The following SCG2 variants were observed in gnomAD, a reference collection of about 807,000 sequenced individuals.
SCG2 encodes the protein secretogranin II.
SCG2 carries 23 observed loss-of-function variants against 49.5 expected under a neutral mutation model. The observed-to-expected ratio is 0.46, with a 90% CI of 0.33 to 0.66. SCG2 has a LOEUF of 0.66. Among genes scored for constraint, SCG2 ranks in the 30% least tolerant of loss-of-function variants. The pLI is 0.01. For missense variants in SCG2, 730 were observed against 728.2 expected (o/e 1.00, Z -0.03); for synonymous variants, 288 against 260.4 (o/e 1.11, Z -1.02).
In SCG2 at chr2:223,598,919, C is replaced by T. The variant is rs762766861; in HGVS notation, c.364G>A (p.Glu122Lys). The T allele has an allele frequency of 6.8e-6, 11 of 1,614,176 alleles. No individual in the cohort carries two copies. The highest frequency in any genetic ancestry group is 6.6e-5 in the South Asian group (6 of 91,080). ...RIILEALRQAENEPQSAPKEN... is the reference protein window; with the variant it reads ...RIILEALRQAKNEPQSAPKEN... ...TTTGGTGCAGACTGAGGCTCATTTT[C>T]AGCCTGTCTCAAAGCTTCGAGTATT... The change falls in exon 2 of 2, where the codon GAA becomes AAA. Residue 122 changes from glutamate to lysine, a missense_variant. Coordinates refer to ENST00000305409, the MANE Select transcript of SCG2 (RefSeq NM_003469.5).
rs756798030 is a variant in SCG2 at position 223,598,433 on chromosome 2, G to A, written c.850C>T (p.Arg284Cys). The change falls in exon 2 of 2, where the codon CGC (arginine) becomes TGC (cysteine). Residue 284 changes from arginine (R) to cysteine (C), a missense_variant. Physicochemically the swap from Arg to Cys is radical, Grantham distance 180. Coordinates refer to ENST00000305409, the MANE Select transcript of SCG2 (RefSeq NM_003469.5). ...TCCTGGATGCCAAGCTGCCCTGAGCGTTTCATCTCATCGTTGATTTGTTCA... is the reference window on the plus strand; with the variant it reads ...TCCTGGATGCCAAGCTGCCCTGAGCATTTCATCTCATCGTTGATTTGTTCA... The part of the protein sequence containing the change: ...KNEQINDEMK[R>C]SGQLGIQEED... 5.0e-6 allele frequency: 8 copies of A among 1,613,988 alleles called. No homozygotes were observed. The highest frequency in any genetic ancestry group is 1.7e-5 in the Admixed American group (1 of 60,000).
chr2:223,599,949 C>T (rs1699024487), intron 1 of SCG2, among the ~76,000 whole-genome samples: 1 of 152,136 alleles, frequency 6.6e-6, no homozygotes, highest in Admixed American at 6.6e-5. Context: ...CAATCTGATA[C>T]CGAATCCAAT....
At chr2:223,601,819 T>C (rs1691395065) in intron 1 of SCG2, among the ~76,000 whole-genome samples, 1 of 152,188 alleles carries the variant, frequency 6.6e-6, no homozygotes, top group Non-Finnish European at 1.5e-5. Flanking sequence ...AAAAACCTAG[T>C]TCCAAAATGG....
At position 223,599,037 on chromosome 2, in the gene SCG2, T is replaced by C. The variant is rs1397997674; in HGVS notation, c.246A>G (p.Gln82=). 6.2e-7 allele frequency: 1 copy of C among 1,614,162 alleles called. No individual in the cohort carries two copies. The highest frequency in any genetic ancestry group is 1.1e-5 in the South Asian group (1 of 91,076). Residue 82 remains glutamine, a synonymous_variant, in exon 2 of 2, where the codon CAA becomes CAG. Coordinates refer to ENST00000305409, the MANE Select transcript of SCG2 (RefSeq NM_003469.5). ...TTTGCTGAAGGGGGACAGAGACACC[T>C]TGGTAGGGATTATAATCTGGGCTGC... ...EESSPDYNPY[Q]GVSVPLQQKE...
intron 1 of SCG2, among the ~76,000 whole-genome samples, chr2:223,599,695 C>A (rs1691360353): frequency 6.6e-6 from 1 of 152,132 alleles, no homozygotes; most frequent in African/African-American, 2.4e-5. Context: ...AGTCTATTGG[C>A]AAAATAATGT....
intron 1 of SCG2, among the ~76,000 whole-genome samples, chr2:223,600,103 A>T (rs984324322): frequency 6.6e-6 from 1 of 152,198 alleles, no homozygotes; most frequent in Admixed American, 6.5e-5. Flanking sequence ...AATAATTTAT[A>T]TTATGACTGT....
Position 223,597,932 on chromosome 2 carries a change from A to G in SCG2, c.1351T>C (p.Ser451Pro), listed in dbSNP as rs1397809770. The part of the protein sequence containing the change: ...GMESAANQKT[S>P]YFPNPYNQEK... ...TGGTTATATGGATTGGGAAAATACG[A>G]CGTTTTCTGATTTGCTGCACTCTCC... Residue 451 changes from serine (S) to proline (P), a missense_variant, in exon 2 of 2, where the codon TCG becomes CCG. By Grantham distance (74) the Ser-to-Pro change is moderately conservative. Coordinates refer to ENST00000305409, the MANE Select transcript of SCG2 (RefSeq NM_003469.5). 1 of 1,614,088 alleles carries G rather than the reference A, an allele frequency of 6.2e-7. No individual in the cohort carries two copies. Among genetic ancestry groups the G allele is most frequent in the South Asian group, 1.1e-5 (1 of 91,084 alleles).
At position 223,596,974 on chromosome 2, in the gene SCG2, AAC is replaced by A. The variant is rs1691305156; in HGVS notation, c.*453_*454del. On this transcript the variant is annotated 3_prime_UTR_variant, in exon 2 of 2. Coordinates refer to ENST00000305409, the MANE Select transcript of SCG2 (RefSeq NM_003469.5). ...AATAACATTTATTAATCAACAGTAA[AAC>A]ACACAATAGAAAAGGCCTTATAAAT... The A allele has an allele frequency of 6.5e-6, 1 of 152,846 alleles. No individual in the cohort carries two copies. Among genetic ancestry groups the A allele is most frequent in the Non-Finnish European group, 1.5e-5 (1 of 68,152 alleles). 9.5% of individuals were successfully genotyped at this position (152,846 alleles called of 1,614,324 possible).
rs751594771 is a variant in SCG2 at position 223,597,743 on chromosome 2, TAA to T, written c.1538_1539del (p.Val513GlufsTer4). The T allele has an allele frequency of 6.2e-7, 1 of 1,614,092 alleles. No individual in the cohort carries two copies. The highest frequency in any genetic ancestry group is 1.1e-5 in the South Asian group (1 of 91,072). On this transcript the variant is annotated frameshift_variant, in exon 2 of 2. Coordinates refer to ENST00000305409, the MANE Select transcript of SCG2 (RefSeq NM_003469.5). LOFTEE classifies it high-confidence loss of function. ...ELGEYLARML[V>X]KYPEIINSNQ... ...TTTGAATTAATGATCTCAGGGTATT[TAA>T]CTAGCATCCTGGCCAAGTACTCACC...
At chr2:223,600,457 T>G (rs936994353) in intron 1 of SCG2, among the ~76,000 whole-genome samples, 1 of 152,192 alleles carries the variant, frequency 6.6e-6, no homozygotes, top group Non-Finnish European at 1.5e-5. Flanking sequence ...GGATTAGTTT[T>G]TATGTGTTTT....
chr2:223,598,539 T>G lies in SCG2; in HGVS notation c.744A>C (p.Glu248Asp). The G allele has an allele frequency of 6.2e-7, 1 of 1,614,066 alleles. No individual in the cohort carries two copies. Among genetic ancestry groups the G allele is most frequent in the Non-Finnish European group, 8.5e-7 (1 of 1,180,034 alleles). Reference protein sequence around the residue: ...NIAYEDVVGGEDWNPVEEKIE... With the variant: ...NIAYEDVVGGDDWNPVEEKIE... ...TTTTCTCCTCTACTGGGTTCCAGTC[T>G]TCTCCCCCGACCACATCTTCATAGG... Residue 248 changes from glutamate (E) to aspartate (D), a missense_variant, in exon 2 of 2, where the codon GAA (glutamate) becomes GAC (aspartate). Transcript: ENST00000305409.
rs1447256092 is a variant in SCG2 at position 223,598,610 on chromosome 2, G to T, written c.673C>A (p.Leu225Ile). The change falls in exon 2 of 2, where the codon CTT (leucine) becomes ATT (isoleucine). Residue 225 changes from leucine (L) to isoleucine (I), a missense_variant. Leu to Ile is a conservative substitution (Grantham distance 5). Transcript: ENST00000305409. ...KRERMDEEQK[L>I]YTDDEDDIYK... ...ATATCATCTTCATCATCCGTATAAA[G>T]TTTTTGCTCCTCATCCATCCTCTCA... The T allele has an allele frequency of 6.2e-7, 1 of 1,613,988 alleles. No individual in the cohort carries two copies. The highest frequency in any genetic ancestry group is 8.5e-7 in the Non-Finnish European group (1 of 1,180,052).
rs1691343435 is a variant in SCG2, at chr2:223,598,737, T to C, written c.546A>G (p.Thr182=). The change falls in exon 2 of 2, where the codon ACA becomes ACG. Residue 182 remains threonine, a synonymous_variant. Coordinates refer to ENST00000305409, the MANE Select transcript of SCG2 (RefSeq NM_003469.5). ...ENSRDNPFKR[T]NEIVEEQYTP... ...TATATTGTTCCTCCACTATTTCATT[T>C]GTGCGTTTAAAGGGGTTATCCCTGG... 1 of 1,613,706 alleles carries C rather than the reference T, an allele frequency of 6.2e-7. No homozygotes were observed. The highest frequency in any genetic ancestry group is 1.3e-5 in the African/African-American group (1 of 74,918).
Position 223,597,499 on chromosome 2 carries a change from T to C in SCG2, c.1784A>G (p.Glu595Gly), listed in dbSNP as rs1311731999. The change falls in exon 2 of 2, where the codon GAA (glutamate) becomes GGA (glycine). Residue 595 changes from glutamate to glycine, a missense_variant. Coordinates refer to ENST00000305409, the MANE Select transcript of SCG2 (RefSeq NM_003469.5). ...WDEDLLMKVL[E>G]YLNQEKAEKG... ...TTCTGCCTTTTCTTGGTTGAGGTAT[T>C]CCAGCACTTTCATTAACAGATCTTC... The C allele has an allele frequency of 6.2e-7, 1 of 1,613,968 alleles. No individual in the cohort carries two copies. The highest frequency in any genetic ancestry group is 8.5e-7 in the Non-Finnish European group (1 of 1,179,998).
rs772894692 is a variant in SCG2 at position 223,598,149 on chromosome 2, T to A, written c.1134A>T (p.Ser378=). ...MLKTGEKPNG[S]VEPERELDLP... is the part of the protein sequence containing the mutation. Reference sequence around the variant, plus strand: ...GGTCAAGCTCCCGCTCCGGTTCCACTGATCCATTCGGCTTCTCCCCAGTTT... The same window carrying A: ...GGTCAAGCTCCCGCTCCGGTTCCACAGATCCATTCGGCTTCTCCCCAGTTT... The change falls in exon 2 of 2, where the codon TCA becomes TCT. Residue 378 remains serine, a synonymous_variant. Coordinates refer to ENST00000305409, the MANE Select transcript of SCG2 (RefSeq NM_003469.5). 6.2e-7 allele frequency: 1 copy of A among 1,613,564 alleles called. No individual in the cohort carries two copies. Among genetic ancestry groups the A allele is most frequent in the South Asian group, 1.1e-5 (1 of 91,038 alleles).
rs755668230 is a variant in SCG2 at position 223,597,419 on chromosome 2, T to C, written c.*10A>G. 1.9e-6 allele frequency: 3 copies of C among 1,572,020 alleles called. No individual in the cohort carries two copies. Among genetic ancestry groups the C allele is most frequent in the East Asian group, 2.2e-5 (1 of 44,490 alleles). The stretch of plus-strand genomic sequence containing the variant: ...GGAGGAATGAAAGTAGGGTAATTAA[T>C]GAAAGCAGCTTACATATTTTCCATT... On this transcript the variant is annotated 3_prime_UTR_variant, in exon 2 of 2. Transcript: ENST00000305409.
rs145001820 is a variant in SCG2, at chr2:223,597,879, A to G, written c.1404T>C (p.Tyr468=). Residue 468 remains tyrosine (Y), a synonymous_variant, in exon 2 of 2, where the codon TAT becomes TAC. Transcript: ENST00000305409. ...GGTTCGATCTAGATCTTCCAGCACC[A>G]TAAGGGAGCCTTGGCAGAACTTTCT... The part of the protein sequence containing the change: ...NQEKVLPRLP[Y]GAGRSRSNQL... 1.2e-6 allele frequency: 2 copies of G among 1,614,188 alleles called. No individual in the cohort carries two copies. Among genetic ancestry groups the G allele is most frequent in the Non-Finnish European group, 1.7e-6 (2 of 1,180,034 alleles).
chr2:223,598,550 C>T lies in SCG2; in HGVS notation c.733G>A (p.Val245Ile). The T allele has an allele frequency of 1.2e-6, 2 of 1,614,062 alleles. No homozygotes were observed. Among genetic ancestry groups the T allele is most frequent in the East Asian group, 2.2e-5 (1 of 44,878 alleles). ...ACTGGGTTCCAGTCTTCTCCCCCGACCACATCTTCATAGGCAATGTTATTA... is the reference window on the plus strand; with the variant it reads ...ACTGGGTTCCAGTCTTCTCCCCCGATCACATCTTCATAGGCAATGTTATTA... The part of the protein sequence containing the change: ...KANNIAYEDV[V>I]GGEDWNPVEE... The change falls in exon 2 of 2, where the codon GTC (valine) becomes ATC (isoleucine). Residue 245 changes from valine to isoleucine, a missense_variant. Transcript: ENST00000305409.
chr2:223,598,281 C>T lies in SCG2; in HGVS notation c.1002G>A (p.Arg334=), dbSNP rs767587204. 3 of 1,614,058 alleles carry T rather than the reference C, an allele frequency of 1.9e-6. No homozygotes were observed. Among genetic ancestry groups the T allele is most frequent in the East Asian group, 4.5e-5 (2 of 44,878 alleles). The change falls in exon 2 of 2, where the codon AGG becomes AGA. Residue 334 remains arginine, a synonymous_variant. Transcript: ENST00000305409. ...GAGGTTTCTCAAAAAGCCTGGTGGC[C>T]CTTTCCCCATTTTGCCCATTCTGTA... ...GRLQNGQNGE[R]ATRLFEKPLD...
Sources: gnomAD v4.1 joint callset for allele counts (sites outside exome capture counted in the v4.1 genomes callset) on GRCh38, gnomAD v4.1.1 for gene constraint, MANE v1.5 for transcripts, NCBI Gene and HGNC (gene_info 2026-07-23, HGNC 2026-07-21) for gene names.